Variants in TPST1 observed in about 807,000 individuals in gnomAD.
TPST1 encodes tyrosylprotein sulfotransferase 1.
In TPST1, 20 loss-of-function variants were observed where a neutral mutation model predicts 34.8. That is an observed-to-expected ratio of 0.57 (90% CI 0.40 to 0.84). The LOEUF (loss-of-function observed/expected upper bound fraction) is 0.84, where lower values mean the gene tolerates loss of function less well. Among genes scored for constraint, TPST1 ranks in the 40% least tolerant of loss-of-function variants. The pLI is 0.00. For synonymous variants in TPST1, 152 were observed against 159.4 expected (o/e 0.95, Z 0.35); for missense variants, 353 against 455.5 (o/e 0.78, Z 2.05).
intron 3 of TPST1, among the ~76,000 whole-genome samples, chr7:66,328,363 C>T (rs1415036576): frequency 6.6e-6 from 1 of 151,912 alleles, no homozygotes; most frequent in Non-Finnish European, 1.5e-5. Context: ...TTTATTAGAA[C>T]ATACTATGCT....
At position 66,357,045 on chromosome 7, in the gene TPST1, T is replaced by C. The variant is rs1465664384; in HGVS notation, c.*29+174T>C. 2.0e-5 allele frequency among the ~76,000 whole-genome samples: 3 copies of C among 152,228 alleles called. No individual in the cohort carries two copies. In the East Asian group the frequency reaches 5.8e-4, roughly 29 times the overall value. ...ATTACTTCACCTCTCTGTGTCTTCA[T>C]TTATTCATCTATGAAATGAGGATAA... On this transcript the variant is annotated intron_variant, in intron 5 of 5. Coordinates refer to ENST00000304842, the MANE Select transcript of TPST1 (RefSeq NM_003596.4).
chr7:66,263,059 C>G (rs1461335851), intron 2 of TPST1, among the ~76,000 whole-genome samples: 1 of 151,788 alleles, frequency 6.6e-6, no homozygotes, highest in Non-Finnish European at 1.5e-5. Context: ...CAGATCGTGC[C>G]ACTGCACTCC....
chr7:66,243,544 G>A (rs7808834), intron 2 of TPST1, among the ~76,000 whole-genome samples: 135,607 of 151,122 alleles, frequency 0.9, 61,023 homozygotes, highest in African/African-American at 0.94. Flanking sequence ...CCCAGGCTCA[G>A]GTGATCCTCC....
chr7:66,235,851 C>A (rs1397492073), intron 1 of TPST1, among the ~76,000 whole-genome samples: 1 of 152,124 alleles, frequency 6.6e-6, no homozygotes, highest in African/African-American at 2.4e-5. Flanking sequence ...GGCAGGAAGA[C>A]TTGAAGCGGG....
Position 66,241,167 on chromosome 7 carries a change from C to T in TPST1, c.742C>T (p.Arg248Trp), listed in dbSNP as rs375508551. 1.2e-5 allele frequency: 20 copies of T among 1,614,000 alleles called. No individual in the cohort carries two copies. The highest frequency in any genetic ancestry group is 1.4e-5 in the Non-Finnish European group (17 of 1,180,016). Residue 248 changes from arginine to tryptophan, a missense_variant, in exon 2 of 6, where the codon CGG becomes TGG. By Grantham distance (101) the Arg-to-Trp change is moderately radical. Transcript: ENST00000304842. ...HYEQLVLHPE[R>W]WMRTLLKFLQ... ...TGAACAACTTGTCTTACATCCTGAACGGTGGATGAGAACACTCTTAAAGTT... is the reference window on the plus strand; with the variant it reads ...TGAACAACTTGTCTTACATCCTGAATGGTGGATGAGAACACTCTTAAAGTT...
At chr7:66,236,123 G>T (rs1177341887) in intron 1 of TPST1, among the ~76,000 whole-genome samples, 1 of 152,134 alleles carries the variant, frequency 6.6e-6, no homozygotes, top group Admixed American at 6.5e-5. Flanking sequence ...AGAATGGGAG[G>T]CAGGTTTGCC....
chr7:66,258,458 A>C (rs1331504596), intron 2 of TPST1, among the ~76,000 whole-genome samples: 1 of 152,186 alleles, frequency 6.6e-6, no homozygotes, highest in Non-Finnish European at 1.5e-5. Flanking sequence ...CTTTGGCAAC[A>C]GTTTATATTT....
intron 1 of TPST1, among the ~76,000 whole-genome samples, chr7:66,217,280 G>A (rs1165832025): frequency 6.6e-6 from 1 of 152,194 alleles, no homozygotes; most frequent in Middle Eastern, 3.4e-3. Flanking sequence ...TAGTGAAAGT[G>A]GGATAGTGAG....
chr7:66,221,895 A>G (rs1789550806), intron 1 of TPST1, among the ~76,000 whole-genome samples: 2 of 152,160 alleles, frequency 1.3e-5, no homozygotes, highest in African/African-American at 4.8e-5. Flanking sequence ...TTGATTGCAG[A>G]ATATCTTTTT....
chr7:66,224,271 T>C (rs920544750), intron 1 of TPST1, among the ~76,000 whole-genome samples: 2 of 152,198 alleles, frequency 1.3e-5, no homozygotes, highest in Non-Finnish European at 1.5e-5. Context: ...CATTGGCAAG[T>C]TCAAGCATGT....
chr7:66,304,343 C>T (rs770634893), intron 3 of TPST1, among the ~76,000 whole-genome samples: 13 of 152,252 alleles, frequency 8.5e-5, no homozygotes, highest in Middle Eastern at 6.8e-3. Flanking sequence ...AAGACTGCCA[C>T]GGGGATAAAG....
upstream of TPST1, among the ~76,000 whole-genome samples, chr7:66,201,896 G>C (rs989821424): frequency 6.7e-6 from 1 of 149,114 alleles, no homozygotes; most frequent in African/African-American, 2.5e-5. Flanking sequence ...CAAGCATATA[G>C]CACATAATTT....
intron 3 of TPST1, among the ~76,000 whole-genome samples, chr7:66,303,348 C>T (rs1240031996): frequency 7.2e-6 from 1 of 139,788 alleles, no homozygotes; most frequent in East Asian, 2.0e-4. Context: ...AAGATATGGT[C>T]AGTGTTATGT....
chr7:66,239,738 T>C (rs908234877), intron 1 of TPST1, among the ~76,000 whole-genome samples: 1 of 152,212 alleles, frequency 6.6e-6, no homozygotes, highest in Non-Finnish European at 1.5e-5. Context: ...TATTTTCCAT[T>C]CTTTACCAGG....
intron 3 of TPST1, among the ~76,000 whole-genome samples, chr7:66,336,218 G>C (rs1346933074): frequency 6.6e-6 from 1 of 152,050 alleles, no homozygotes; most frequent in African/African-American, 2.4e-5. Context: ...GCTGAGGCAG[G>C]AGAATGGTGT....
intron 1 of TPST1, among the ~76,000 whole-genome samples, chr7:66,206,644 C>T (rs996848827): frequency 2.6e-5 from 4 of 152,206 alleles, no homozygotes; most frequent in Non-Finnish European, 4.4e-5. Flanking sequence ...GGTGTAATTA[C>T]TCCCCATCCC....
chr7:66,255,015 C>CACA (rs1562817182), intron 2 of TPST1, among the ~76,000 whole-genome samples: 1 of 151,754 alleles, frequency 6.6e-6, no homozygotes, highest in East Asian at 1.9e-4. Context: ...GGCGTGGTGG[C>CACA]GGGCGCCTGT....
At chr7:66,205,086 G>A (rs1789094104), upstream of TPST1, 1 of 152,202 alleles carries the variant, frequency 6.6e-6, no homozygotes, top group South Asian at 2.1e-4. The surrounding 1 kb of genome is among the most constrained non-coding windows in gnomAD (Gnocchi z 5.0). Context: ...GCGGCTGCCG[G>A]GAAGCCCCCT....
chr7:66,201,355 G>A (rs1004129152), upstream of TPST1, among the ~76,000 whole-genome samples: 1 of 142,208 alleles, frequency 7.0e-6, no homozygotes, highest in Admixed American at 7.3e-5. Flanking sequence ...ACCAGTTTGG[G>A]CAACATAGCA....
Sources: allele counts gnomAD v4.1 joint callset (sites outside exome capture counted in the v4.1 genomes callset), GRCh38; gene constraint gnomAD v4.1.1; non-coding constraint Gnocchi (gnomAD v3.1); transcripts MANE v1.5; gene names NCBI Gene and HGNC (gene_info 2026-07-23, HGNC 2026-07-21).